Variants in FAM117B observed in about 807,000 individuals in gnomAD.
FAM117B encodes the protein family with sequence similarity 117 member B, also known as protein FAM117B.
Under a neutral mutation model 52.8 loss-of-function variants are expected in FAM117B, and 22 were observed. That is an observed-to-expected ratio of 0.42 (90% CI 0.30 to 0.59). The LOEUF (loss-of-function observed/expected upper bound fraction) is 0.59. Ranked by LOEUF, FAM117B falls within the 20% of genes least tolerant of loss-of-function variation. FAM117B has a pLI of 0.22. For synonymous variants in FAM117B, 309 were observed against 324.1 expected, an observed-to-expected ratio of 0.95 and a Z score of 0.50; for missense variants, 678 against 802.6, an observed-to-expected ratio of 0.84 and a Z score of 1.88.
At chr2:202,653,348 G>C (rs1172411707) in intron 1 of FAM117B, among the ~76,000 whole-genome samples, 1 of 152,120 alleles carries the variant, frequency 6.6e-6, no homozygotes, top group Non-Finnish European at 1.5e-5. Context: ...CTTTTAAAAA[G>C]TATTTAACTT....
At chr2:202,659,603 G>GC (rs1690099539) in intron 1 of FAM117B, among the ~76,000 whole-genome samples, 1 of 104,842 alleles carries the variant, frequency 9.5e-6, no homozygotes, top group Non-Finnish European at 1.9e-5. Flanking sequence ...GAGCCACCGT[G>GC]CTTTTTTTTT....
intron 4 of FAM117B, among the ~76,000 whole-genome samples, chr2:202,752,392 CTTG>C (rs1691738528): frequency 6.8e-6 from 1 of 146,988 alleles, no homozygotes; most frequent in African/African-American, 2.5e-5. Flanking sequence ...GCCAAGGATT[CTTG>C]TTGTATTTAT....
chr2:202,731,979 C>T (rs1691358987), intron 4 of FAM117B, among the ~76,000 whole-genome samples: 1 of 152,068 alleles, frequency 6.6e-6, no homozygotes, highest in African/African-American at 2.4e-5. Flanking sequence ...AGGTGATCTG[C>T]CCGCCTCGGC....
intron 1 of FAM117B, among the ~76,000 whole-genome samples, chr2:202,694,517 TC>T (rs1017825215): frequency 6.6e-6 from 1 of 152,002 alleles, no homozygotes; most frequent in Non-Finnish European, 1.5e-5. Flanking sequence ...TATGTGTCTT[TC>T]CTCACATTAC....
At chr2:202,660,579 A>G (rs1026742919) in intron 1 of FAM117B, among the ~76,000 whole-genome samples, 1 of 152,274 alleles carries the variant, frequency 6.6e-6, no homozygotes, top group African/African-American at 2.4e-5. Context: ...AACTTCATAC[A>G]TGGATTTAGG....
intron 2 of FAM117B, among the ~76,000 whole-genome samples, chr2:202,710,162 G>A (rs1690935634): frequency 6.6e-6 from 1 of 152,178 alleles, no homozygotes. Flanking sequence ...CCATAAAAAT[G>A]CCACTGGGAT....
At chr2:202,742,623 G>C (rs1691560980) in intron 4 of FAM117B, among the ~76,000 whole-genome samples, 1 of 152,080 alleles carries the variant, frequency 6.6e-6, no homozygotes, top group Non-Finnish European at 1.5e-5. Flanking sequence ...AGAAAAAAAA[G>C]ATTTCTATGA....
chr2:202,750,212 A>T (rs1454711190), intron 4 of FAM117B, among the ~76,000 whole-genome samples: 2 of 152,064 alleles, frequency 1.3e-5, no homozygotes, highest in Non-Finnish European at 2.9e-5. Context: ...ATATGACCTA[A>T]TTTAAACTTT....
intron 2 of FAM117B, among the ~76,000 whole-genome samples, chr2:202,704,098 C>G (rs1296605951): frequency 6.6e-6 from 1 of 152,146 alleles, no homozygotes; most frequent in Non-Finnish European, 1.5e-5. Flanking sequence ...ATTTGCATAT[C>G]TCCTTTAGAG....
chr2:202,670,493 G>A (rs947765631), intron 1 of FAM117B, among the ~76,000 whole-genome samples: 4 of 151,936 alleles, frequency 2.6e-5, no homozygotes, highest in South Asian at 4.1e-4. Flanking sequence ...CATGAAACAC[G>A]TTGGCCATTC....
chr2:202,670,648 A>T (rs1690284659), intron 1 of FAM117B, among the ~76,000 whole-genome samples: 1 of 151,844 alleles, frequency 6.6e-6, no homozygotes, highest in Admixed American at 6.6e-5. Context: ...ACCATTCAAG[A>T]CTCATATTTC....
chr2:202,691,649 T>TTGTGTGTG lies in FAM117B; in HGVS notation c.602-4189_602-4182dup, dbSNP rs199855927. ...TATAATGCATATATACCAGTTTACA[T>TTGTGTGTG]TGTGTGTGTGTGTGTGTGTGTGTGT... On this transcript the variant is annotated intron_variant, in intron 1 of 7. Coordinates refer to ENST00000392238, the MANE Select transcript of FAM117B (RefSeq NM_173511.4). Among the ~76,000 whole-genome samples, 222 of 126,844 alleles carry TTGTGTGTG rather than the reference T, an allele frequency of 1.8e-3. 1 individual carries two copies. Among genetic ancestry groups the TTGTGTGTG allele is most frequent in the Admixed American group, 2.1e-3 (27 of 12,806 alleles). 83.2% of individuals were successfully genotyped at this position (126,844 alleles called of 152,430 possible).
chr2:202,724,160 C>T (rs894223026), intron 2 of FAM117B, among the ~76,000 whole-genome samples: 7 of 144,998 alleles, frequency 4.8e-5, no homozygotes, highest in Admixed American at 7.3e-5. Context: ...CGGGTTCAAG[C>T]GATTCTCCTG....
intron 1 of FAM117B, among the ~76,000 whole-genome samples, chr2:202,667,850 G>A (rs1161488902): frequency 6.6e-6 from 1 of 151,950 alleles, no homozygotes; most frequent in African/African-American, 2.4e-5. Context: ...CAGCTAGCAT[G>A]GCTGAACCAC....
intron 4 of FAM117B, among the ~76,000 whole-genome samples, chr2:202,751,633 G>A (rs865876170): frequency 8.6e-5 from 13 of 151,800 alleles, no homozygotes; most frequent in African/African-American, 1.2e-4. Flanking sequence ...TTAGCTGGGC[G>A]TTGTCGCGGG....
chr2:202,688,366 C>T (rs183810378), intron 1 of FAM117B, among the ~76,000 whole-genome samples: 3 of 152,154 alleles, frequency 2.0e-5, no homozygotes, highest in African/African-American at 7.2e-5. Flanking sequence ...CAGAATTTTG[C>T]GTTTCCTTCG....
At chr2:202,649,623 C>T (rs1452004883) in intron 1 of FAM117B, among the ~76,000 whole-genome samples, 1 of 151,992 alleles carries the variant, frequency 6.6e-6, no homozygotes, top group African/African-American at 2.4e-5. Flanking sequence ...GTGATCTCGG[C>T]ACATTGCAAC....
At chr2:202,733,054 G>C (rs1258506708) in intron 4 of FAM117B, among the ~76,000 whole-genome samples, 2 of 152,030 alleles carry the variant, frequency 1.3e-5, no homozygotes, top group Admixed American at 6.6e-5. Flanking sequence ...AAGAGAAAGA[G>C]TACAAAGAGA....
At chr2:202,671,107 A>T (rs777496554) in intron 1 of FAM117B, among the ~76,000 whole-genome samples, 1 of 152,232 alleles carries the variant, frequency 6.6e-6, no homozygotes, top group Non-Finnish European at 1.5e-5. Flanking sequence ...TGCTTCCCAC[A>T]TAATTCACTG....
Sources: gnomAD v4.1 joint callset for allele counts (sites outside exome capture counted in the v4.1 genomes callset) on GRCh38, gnomAD v4.1.1 for gene constraint, MANE v1.5 for transcripts, NCBI Gene and HGNC (gene_info 2026-07-23, HGNC 2026-07-21) for gene names.